The following ROBO2 variants were observed in gnomAD, a reference collection of about 807,000 sequenced individuals.
The protein encoded by ROBO2 is roundabout homolog 2.
In ROBO2, 53 loss-of-function variants were observed where a neutral mutation model predicts 160.8. That is an observed-to-expected ratio of 0.33 (90% CI 0.26 to 0.41). The LOEUF (loss-of-function observed/expected upper bound fraction) is 0.41, where lower values mean the gene tolerates loss of function less well. ROBO2 is among the 10% of genes least tolerant of loss of function. The pLI is 1.00. For synonymous variants in ROBO2, 664 were observed against 611.7 expected, an observed-to-expected ratio of 1.09 and a Z score of -1.26; for missense variants, 1,577 against 1,722.4, an observed-to-expected ratio of 0.92 and a Z score of 1.49.
At chr3:76,885,330 T>A (rs2073769672) in intron 2 of ROBO2, among the ~76,000 whole-genome samples, 1 of 152,172 alleles carries the variant, frequency 6.6e-6, no homozygotes, top group Non-Finnish European at 1.5e-5. Context: ...AATTAAGCTT[T>A]GAATATGTGT....
chr3:76,242,870 C>G (rs1478943000), intron 2 of ROBO2, among the ~76,000 whole-genome samples: 1 of 152,128 alleles, frequency 6.6e-6, no homozygotes, highest in Non-Finnish European at 1.5e-5. Context: ...GGCCACAGAG[C>G]ACAGGGAGAT....
In ROBO2 at chr3:76,183,677, T is replaced by G. The variant is rs188576726; in HGVS notation, c.109+246075T>G. 5.3e-5 allele frequency among the ~76,000 whole-genome samples: 8 copies of G among 152,058 alleles called. No individual in the cohort carries two copies. In the East Asian group the frequency reaches 1.6e-3, roughly 30 times the overall value. On this transcript the variant is annotated intron_variant, in intron 2 of 26. Coordinates refer to the ROBO2 transcript ENST00000487694. ...TTTCTAGTAGGGGCAAGCAGAAAAT[T>G]TAAGGATACACTCTACTCCGAATAT...
At chr3:76,673,715 C>T (rs750793199) in intron 2 of ROBO2, among the ~76,000 whole-genome samples, 10 of 151,780 alleles carry the variant, frequency 6.6e-5, no homozygotes, top group Admixed American at 2.0e-4. Flanking sequence ...CCAATAGGAT[C>T]GTTTTTTTTT....
At chr3:76,130,131 TG>T (rs1233453391) in intron 2 of ROBO2, among the ~76,000 whole-genome samples, 1 of 152,062 alleles carries the variant, frequency 6.6e-6, no homozygotes, top group Non-Finnish European at 1.5e-5. Flanking sequence ...TCATATATAC[TG>T]GGTAATATAT....
At chr3:76,191,796 A>G in intron 2 of ROBO2, among the ~76,000 whole-genome samples, 1 of 152,022 alleles carries the variant, frequency 6.6e-6, no homozygotes, top group Non-Finnish European at 1.5e-5. Context: ...TATTTCTCAC[A>G]TCCCTCTGCC....
chr3:77,495,522 T>G (rs1445261268), intron 5 of ROBO2, among the ~76,000 whole-genome samples: 1 of 152,208 alleles, frequency 6.6e-6, no homozygotes, highest in Admixed American at 6.5e-5. Flanking sequence ...CATAGACTTC[T>G]GCATTTGTTC....
chr3:76,717,824 G>GCAAATTAA (rs1560436720), intron 2 of ROBO2, among the ~76,000 whole-genome samples: 2 of 151,562 alleles, frequency 1.3e-5, no homozygotes, highest in African/African-American at 4.9e-5. Context: ...CCATAACCAA[G>GCAAATTAA]ATTTGCAGGT....
At chr3:76,027,108 A>G (rs1241127633) in intron 2 of ROBO2, among the ~76,000 whole-genome samples, 5 of 151,934 alleles carry the variant, frequency 3.3e-5, no homozygotes, top group African/African-American at 4.8e-5. Context: ...TTTAGTTAGC[A>G]TATTTTTTCT....
chr3:77,179,176 G>T (rs539564423), intron 2 of ROBO2, among the ~76,000 whole-genome samples: 3 of 151,420 alleles, frequency 2.0e-5, no homozygotes, highest in Non-Finnish European at 4.4e-5. Flanking sequence ...TTAATATTTA[G>T]TAACTGCCTT....
At position 76,925,210 on chromosome 3, in the gene ROBO2, CA is replaced by C. The variant is rs147022230; in HGVS notation, c.110-172783del. Among the ~76,000 whole-genome samples, 378 of 61,862 alleles carry C rather than the reference CA, an allele frequency of 6.1e-3. 1 individual carries two copies. Among genetic ancestry groups the C allele is most frequent in the South Asian group, 0.035 (56 of 1,596 alleles). The allele number at this position is 61,862 out of a possible 152,430, so 40.6% of individuals were successfully genotyped here. A position where few individuals can be genotyped will look rare whatever the true frequency, so the allele number is the denominator to read the frequency against. On this transcript the variant is annotated intron_variant, in intron 2 of 26. Coordinates refer to the ROBO2 transcript ENST00000487694. ...TGGGCGACAGAGCGAGACTCCGTCTCAAAAAAAAAAAAAAAAAAAAATCTGG... is the reference window on the plus strand; with the variant it reads ...TGGGCGACAGAGCGAGACTCCGTCTCAAAAAAAAAAAAAAAAAAAATCTGG...
At chr3:77,417,651 T>C (rs2153528902) in intron 2 of ROBO2, among the ~76,000 whole-genome samples, 1 of 152,210 alleles carries the variant, frequency 6.6e-6, no homozygotes, top group African/African-American at 2.4e-5. Flanking sequence ...CAATATACTG[T>C]AAAAACTTTA....
In ROBO2 at chr3:77,418,989, T is replaced by C. The variant is rs532069569; in HGVS notation, c.389-58425T>C. 2.0e-5 allele frequency among the ~76,000 whole-genome samples: 3 copies of C among 152,240 alleles called. No individual in the cohort carries two copies. In the East Asian group the frequency reaches 5.8e-4, roughly 29 times the overall value. ...CATAAATTGGGTGGCTTAAAACAAA[T>C]GTATTCCTTCTTCATTCAAGAGGCC... On this transcript the variant is annotated intron_variant, in intron 2 of 25. Transcript: ENST00000461745.
chr3:76,312,819 C>T (rs550016089), intron 2 of ROBO2, among the ~76,000 whole-genome samples: 2 of 152,314 alleles, frequency 1.3e-5, no homozygotes, highest in East Asian at 1.9e-4. Flanking sequence ...GCTCTAGCTA[C>T]CCGTGAGAAA....
chr3:76,201,191 T>C (rs541814909), intron 2 of ROBO2, among the ~76,000 whole-genome samples: 2 of 152,216 alleles, frequency 1.3e-5, no homozygotes, highest in Non-Finnish European at 2.9e-5. Context: ...TTTGTGAATA[T>C]TAAGAGAAAT....
intron 2 of ROBO2, among the ~76,000 whole-genome samples, chr3:76,949,670 GA>G (rs775344368): frequency 6.6e-6 from 1 of 152,152 alleles, no homozygotes; most frequent in Non-Finnish European, 1.5e-5. Context: ...CACAGGTCCT[GA>G]TTGTAATGGA....
chr3:76,097,225 A>G (rs2069488253), intron 2 of ROBO2, among the ~76,000 whole-genome samples: 1 of 152,116 alleles, frequency 6.6e-6, no homozygotes, highest in Non-Finnish European at 1.5e-5. Flanking sequence ...GCAGCCACAG[A>G]GTTGTTAAAA....
Position 77,273,101 on chromosome 3 carries a change from G to A in ROBO2, c.388+174761G>A, listed in dbSNP as rs150806860. The stretch of plus-strand genomic sequence containing the variant: ...TACCCAATACGTAGTTTTTCAGACC[G>A]TTTCCCTTCCTTTTTCCCCCGTCTA... On this transcript the variant is annotated intron_variant, in intron 2 of 25. Transcript: ENST00000461745. Among the ~76,000 whole-genome samples, 410 of 152,142 alleles carry A rather than the reference G, an allele frequency of 2.7e-3. 5 individuals are homozygous for A. Among genetic ancestry groups the A allele is most frequent in the African/African-American group, 8.6e-3 (358 of 41,480 alleles).
chr3:76,267,333 T>C (rs1707160786), intron 2 of ROBO2, among the ~76,000 whole-genome samples: 1 of 152,200 alleles, frequency 6.6e-6, no homozygotes, highest in Admixed American at 6.5e-5. Flanking sequence ...AAATTATAAA[T>C]AGAATGCCCT....
chr3:76,298,459 G>A (rs1251186181), intron 2 of ROBO2, among the ~76,000 whole-genome samples: 2 of 152,130 alleles, frequency 1.3e-5, no homozygotes, highest in East Asian at 3.9e-4. Context: ...CAGGATGAGG[G>A]AGGTTGTTTG....
Sources: allele counts gnomAD v4.1 joint callset (sites outside exome capture counted in the v4.1 genomes callset), GRCh38; gene constraint gnomAD v4.1.1; transcripts MANE v1.5; gene names NCBI Gene and HGNC (gene_info 2026-07-23, HGNC 2026-07-21).